VPS8: variants seen among roughly 807,000 people sequenced by gnomAD.
VPS8 encodes VPS8 subunit of CORVET complex.
Under a neutral mutation model 216.4 loss-of-function variants are expected in VPS8, and 129 were observed. The observed-to-expected ratio is 0.60, with a 90% CI of 0.52 to 0.69. The LOEUF (loss-of-function observed/expected upper bound fraction) is 0.69, where lower values mean the gene tolerates loss of function less well. Ranked by LOEUF, VPS8 falls within the 30% of genes least tolerant of loss-of-function variation. VPS8 has a pLI of 0.00. For missense variants in VPS8, 1,531 were observed against 1,683.5 expected, an observed-to-expected ratio of 0.91 and a Z score of 1.59; for synonymous variants, 571 against 565.4, an observed-to-expected ratio of 1.01 and a Z score of -0.14.
chr3:184,812,645 A>G (rs1715385609), intron 1 of VPS8: 1 of 152,146 alleles, frequency 6.6e-6, no homozygotes. Flanking sequence ...TCAGTTCCCT[A>G]TCTACTTTGC....
At chr3:184,945,196 A>G (rs972357387) in intron 36 of VPS8, among the ~76,000 whole-genome samples, 2 of 151,818 alleles carry the variant, frequency 1.3e-5, no homozygotes, top group Non-Finnish European at 2.9e-5. Context: ...TTTATTACAT[A>G]TATATTTCTT....
intron 36 of VPS8, among the ~76,000 whole-genome samples, chr3:184,943,255 T>C (rs1301299681): frequency 6.6e-6 from 1 of 152,208 alleles, no homozygotes; most frequent in East Asian, 1.9e-4. Flanking sequence ...AAATGACATA[T>C]GAAAACAATG....
chr3:184,934,027 A>G (rs992748454), intron 34 of VPS8, among the ~76,000 whole-genome samples: 1 of 152,204 alleles, frequency 6.6e-6, no homozygotes, highest in African/African-American at 2.4e-5. Flanking sequence ...ATCTATCAAT[A>G]ATTTTGAAGA....
At chr3:184,914,747 A>G (rs145443000) in intron 26 of VPS8, among the ~76,000 whole-genome samples, 1 of 152,294 alleles carries the variant, frequency 6.6e-6, no homozygotes, top group African/African-American at 2.4e-5. Context: ...AAACATACGA[A>G]GAAACGAAAG....
At chr3:184,967,107 C>T (rs971323990) in intron 39 of VPS8, among the ~76,000 whole-genome samples, 2 of 152,076 alleles carry the variant, frequency 1.3e-5, no homozygotes, top group East Asian at 3.9e-4. Context: ...GCTGGGACTA[C>T]AGGCGTATGC....
chr3:184,917,987 T>C (rs1560671758), intron 28 of VPS8, among the ~76,000 whole-genome samples: 1 of 152,138 alleles, frequency 6.6e-6, no homozygotes, highest in Non-Finnish European at 1.5e-5. Context: ...CATTGGTGAT[T>C]AGGTTCTCAA....
chr3:184,939,966 T>C (rs1261274554), intron 35 of VPS8, among the ~76,000 whole-genome samples: 5 of 151,948 alleles, frequency 3.3e-5, no homozygotes, highest in African/African-American at 1.2e-4. Flanking sequence ...GATAATAGGG[T>C]GTTTGTGTTC....
At chr3:184,986,350 TAGGC>T (rs1179811401) in intron 42 of VPS8, among the ~76,000 whole-genome samples, 5 of 152,156 alleles carry the variant, frequency 3.3e-5, no homozygotes, top group African/African-American at 9.7e-5. Context: ...ATTTGAGAGA[TAGGC>T]AGGGACTGTG....
chr3:184,911,266 G>C (rs137861536), intron 25 of VPS8, among the ~76,000 whole-genome samples: 1 of 152,320 alleles, frequency 6.6e-6, no homozygotes, highest in African/African-American at 2.4e-5. Flanking sequence ...CACATACTCT[G>C]CTCATAAGAG....
chr3:184,855,905 C>A, intron 14 of VPS8, 87 bp downstream of exon 14: 1 of 1,052,924 alleles, frequency 9.5e-7, no homozygotes, highest in Non-Finnish European at 1.4e-6. Context: ...ATTTGTGTTA[C>A]TATCCTAAGT....
chr3:184,816,728 G>A (rs547233995), intron 1 of VPS8, among the ~76,000 whole-genome samples: 1 of 152,318 alleles, frequency 6.6e-6, no homozygotes, highest in East Asian at 1.9e-4. Flanking sequence ...GCCAGATCTT[G>A]TTTTTCCATG....
Position 185,035,413 on chromosome 3 carries a change from A to G in VPS8, c.4056+11024A>G, listed in dbSNP as rs114145620. Among the ~76,000 whole-genome samples, 1,205 of 152,270 alleles carry G rather than the reference A, an allele frequency of 7.9e-3. 14 individuals carry two copies. Among genetic ancestry groups the G allele is most frequent in the African/African-American group, 0.022 (912 of 41,562 alleles). On this transcript the variant is annotated intron_variant, in intron 46 of 47. Transcript: ENST00000625842. ...TACATCAAAAAGTTAACTCACCACAATCAGCTGGGCATTATTCCTGGTATA... is the reference window on the plus strand; with the variant it reads ...TACATCAAAAAGTTAACTCACCACAGTCAGCTGGGCATTATTCCTGGTATA...
chr3:184,874,635 C>T (rs981305788), intron 21 of VPS8, among the ~76,000 whole-genome samples: 6 of 152,056 alleles, frequency 3.9e-5, no homozygotes, highest in African/African-American at 1.4e-4. Context: ...TGACCATAAA[C>T]TTAGTATGAG....
chr3:184,982,425 T>G, intron 40 of VPS8, 141 bp from the exon 41 acceptor site: 1 of 604,274 alleles, frequency 1.7e-6, no homozygotes, highest in Non-Finnish European at 2.8e-6. Flanking sequence ...CCATTTTTAT[T>G]TTTTCTAATG....
At chr3:184,815,384 A>G (rs531947552) in intron 1 of VPS8, among the ~76,000 whole-genome samples, 1 of 152,200 alleles carries the variant, frequency 6.6e-6, no homozygotes, top group Non-Finnish European at 1.5e-5. Context: ...TCATTACAAC[A>G]GCTGTGACAT....
At chr3:185,005,828 A>G (rs865846968) in intron 45 of VPS8, among the ~76,000 whole-genome samples, 19 of 152,074 alleles carry the variant, frequency 1.2e-4, no homozygotes, top group African/African-American at 3.4e-4. Flanking sequence ...AAGGTACACA[A>G]TCATGTCATT....
intron 20 of VPS8, among the ~76,000 whole-genome samples, chr3:184,869,983 T>G (rs1157436527): frequency 6.6e-6 from 1 of 152,202 alleles, no homozygotes; most frequent in Non-Finnish European, 1.5e-5. Flanking sequence ...CTCACTCTTT[T>G]ATGAAGATAA....
At chr3:184,827,768 A>G (rs1349870617) in intron 3 of VPS8, among the ~76,000 whole-genome samples, 4 of 152,190 alleles carry the variant, frequency 2.6e-5, no homozygotes, top group African/African-American at 9.7e-5. Context: ...ATCATCCTCA[A>G]TAGTAGTTTG....
chr3:185,024,198 TATTA>T lies in VPS8; in HGVS notation c.4003-135_4003-132del, dbSNP rs371813655. The T allele has an allele frequency of 2.9e-4, 230 of 788,736 alleles. No homozygotes were observed. In the African/African-American group the frequency reaches 3.8e-3, roughly 13 times the overall value. The allele number at this position is 788,736 out of a possible 1,614,324, so 48.9% of individuals were successfully genotyped here. Reference sequence around the variant, plus strand: ...TTTCAAGGGGACTTAACACAAAATCTATTAATCTATTAATTTCCTCTGGAAATGT... The same window carrying T: ...TTTCAAGGGGACTTAACACAAAATCTATCTATTAATTTCCTCTGGAAATGT... On this transcript the variant is annotated intron_variant, in intron 45 of 47. Transcript: ENST00000625842.
Sources: allele counts gnomAD v4.1 joint callset (sites outside exome capture counted in the v4.1 genomes callset), GRCh38; gene constraint gnomAD v4.1.1; transcripts MANE v1.5; gene names NCBI Gene and HGNC (gene_info 2026-07-23, HGNC 2026-07-21).